KDM4C: variants seen among roughly 807,000 people sequenced by gnomAD.
KDM4C encodes the protein lysine demethylase 4C, also known as lysine-specific demethylase 4C.
Under a neutral mutation model 129.3 loss-of-function variants are expected in KDM4C, and 81 were observed. The ratio of observed to expected loss-of-function variants is 0.63; its 90% CI spans 0.52 to 0.75. The LOEUF is 0.75. KDM4C is among the 30% of genes least tolerant of loss of function. The pLI, the probability that KDM4C is intolerant of heterozygous loss-of-function variation, is 0.00. For synonymous variants in KDM4C, 573 were observed against 456.1 expected (o/e 1.26, Z -3.26); for missense variants, 1,457 against 1,304.0 (o/e 1.12, Z -1.81).
intron 20 of KDM4C, among the ~76,000 whole-genome samples, chr9:7,169,066 A>G (rs1844690459): frequency 6.6e-6 from 1 of 151,514 alleles, no homozygotes; most frequent in Non-Finnish European, 1.5e-5. Flanking sequence ...AAAAAAAAAA[A>G]AAGGAAATAT....
At chr9:7,047,635 G>C (rs1829597766) in intron 16 of KDM4C, among the ~76,000 whole-genome samples, 1 of 151,964 alleles carries the variant, frequency 6.6e-6, no homozygotes. Context: ...GCTGGCACTT[G>C]AGGGCCAGAT....
intron 4 of KDM4C, among the ~76,000 whole-genome samples, chr9:6,830,013 TCTC>T (rs1834550814): frequency 6.6e-6 from 1 of 152,194 alleles, no homozygotes; most frequent in South Asian, 2.1e-4. Flanking sequence ...ATCTACAACT[TCTC>T]CTAGAATCTG....
At chr9:6,770,675 A>G (rs1287562494) in intron 1 of KDM4C, among the ~76,000 whole-genome samples, 1 of 141,086 alleles carries the variant, frequency 7.1e-6, no homozygotes, top group Non-Finnish European at 1.5e-5. Flanking sequence ...AAAAGCAAGG[A>G]TGGTCAGATT....
intron 15 of KDM4C, among the ~76,000 whole-genome samples, chr9:7,026,839 A>G (rs1398055227): frequency 6.6e-6 from 1 of 151,770 alleles, no homozygotes; most frequent in African/African-American, 2.4e-5. Context: ...CGAGTTCACT[A>G]GTTCCTTCTT....
chr9:6,966,819 A>T (rs1375390604), intron 8 of KDM4C, among the ~76,000 whole-genome samples: 5 of 152,206 alleles, frequency 3.3e-5, no homozygotes, highest in Non-Finnish European at 7.3e-5. Flanking sequence ...TGACAGAGAA[A>T]ATTAATATAG....
chr9:6,805,846 CAGA>C, intron 3 of KDM4C, 72 bp downstream of exon 3: 4 of 1,363,036 alleles, frequency 2.9e-6, no homozygotes, highest in Non-Finnish European at 4.0e-6. Flanking sequence ...ACAAAGTAGA[CAGA>C]GGAGCTTATA....
chr9:7,021,156 A>AT (rs1411175299), intron 15 of KDM4C, among the ~76,000 whole-genome samples: 1,667 of 131,168 alleles, frequency 0.013, 29 homozygotes, highest in African/African-American at 0.043. Context: ...ATATATATGT[A>AT]TTTTTTTTTT....
chr9:7,112,067 A>C (rs555841060), intron 18 of KDM4C, among the ~76,000 whole-genome samples: 1 of 152,180 alleles, frequency 6.6e-6, no homozygotes, highest in South Asian at 2.1e-4. Context: ...CCACATGCAC[A>C]AAGTGGGTCA....
At chr9:7,155,728 T>C (rs1284781289) in intron 19 of KDM4C, among the ~76,000 whole-genome samples, 6 of 152,266 alleles carry the variant, frequency 3.9e-5, no homozygotes, top group Non-Finnish European at 8.8e-5. Context: ...ATGGTGTATA[T>C]GTGCCACATT....
chr9:6,987,663 G>A (rs1323398), intron 11 of KDM4C, among the ~76,000 whole-genome samples: 3 of 151,924 alleles, frequency 2.0e-5, no homozygotes, highest in Non-Finnish European at 2.9e-5. Flanking sequence ...AATACCTTGC[G>A]TCTTATCAGT....
chr9:6,993,703 T>C (rs191541796), intron 12 of KDM4C, among the ~76,000 whole-genome samples: 1 of 152,322 alleles, frequency 6.6e-6, no homozygotes, highest in East Asian at 1.9e-4. Flanking sequence ...CCATGGAACG[T>C]ACTAGATGTG....
At chr9:7,133,395 C>T (rs1840851819) in intron 19 of KDM4C, among the ~76,000 whole-genome samples, 1 of 152,108 alleles carries the variant, frequency 6.6e-6, no homozygotes, top group South Asian at 2.1e-4. Context: ...GTAGTCCCAG[C>T]ATCTTTTAGA....
chr9:7,061,525 T>C lies in KDM4C; in HGVS notation c.2424+12325T>C, dbSNP rs114678069. On this transcript the variant is annotated intron_variant, in intron 17 of 21. Coordinates refer to ENST00000381309, the MANE Select transcript of KDM4C (RefSeq NM_015061.6). Reference sequence around the variant, plus strand: ...GTCGGATAGTTAACTTGAAATATTATGATCTGGCTGGGCATTTTATTGGGA... The same window carrying C: ...GTCGGATAGTTAACTTGAAATATTACGATCTGGCTGGGCATTTTATTGGGA... Among the ~76,000 whole-genome samples, 1,145 of 146,102 alleles carry C rather than the reference T, an allele frequency of 7.8e-3. 10 individuals carry two copies. The highest frequency in any genetic ancestry group is 0.027 in the African/African-American group (1,089 of 40,400).
intron 16 of KDM4C, among the ~76,000 whole-genome samples, chr9:7,047,151 A>G (rs949911038): frequency 7.2e-5 from 11 of 152,102 alleles, no homozygotes; most frequent in East Asian, 1.9e-4. Context: ...ACCATGAAAA[A>G]TAACCCCTCT....
In KDM4C at chr9:6,791,740, C is replaced by T. The variant is rs183440843; in HGVS notation, c.-17-1232C>T. Among the ~76,000 whole-genome samples, 136 of 152,228 alleles carry T rather than the reference C, an allele frequency of 8.9e-4. 3 individuals are homozygous for T. In the East Asian group the frequency reaches 9.5e-3, roughly 11 times the overall value. ...TGCAAGGTTAGAAAATTCATTTTTACGGCCAGACACAGTGGCTCATGCCTG... is the reference window on the plus strand; with the variant it reads ...TGCAAGGTTAGAAAATTCATTTTTATGGCCAGACACAGTGGCTCATGCCTG... On this transcript the variant is annotated intron_variant, in intron 1 of 21. Coordinates refer to ENST00000381309, the MANE Select transcript of KDM4C (RefSeq NM_015061.6).
chr9:7,165,471 A>G, intron 20 of KDM4C, 114 bp downstream of exon 20: 1 of 1,203,182 alleles, frequency 8.3e-7, no homozygotes, highest in Non-Finnish European at 1.2e-6. Flanking sequence ...GACACCTCTT[A>G]TTTTATGCAG....
chr9:6,921,960 A>G (rs1354346447), intron 8 of KDM4C, among the ~76,000 whole-genome samples: 2 of 152,172 alleles, frequency 1.3e-5, no homozygotes, highest in African/African-American at 2.4e-5. Flanking sequence ...GTATTGTTCA[A>G]ATGTCATCTT....
At chr9:7,173,160 C>T (rs545921429) in intron 21 of KDM4C, among the ~76,000 whole-genome samples, 1 of 152,248 alleles carries the variant, frequency 6.6e-6, no homozygotes. Context: ...TGCCCCTTAC[C>T]TCTACCACTG....
At chr9:6,962,195 T>G (rs1247352165) in intron 8 of KDM4C, among the ~76,000 whole-genome samples, 1 of 152,218 alleles carries the variant, frequency 6.6e-6, no homozygotes, top group Non-Finnish European at 1.5e-5. Context: ...AAATATATCT[T>G]GTACTTTGTA....
Sources: allele counts gnomAD v4.1 joint callset (sites outside exome capture counted in the v4.1 genomes callset), GRCh38; gene constraint gnomAD v4.1.1; transcripts MANE v1.5; gene names NCBI Gene and HGNC (gene_info 2026-07-23, HGNC 2026-07-21).